MALRD1: variants seen among roughly 807,000 people sequenced by gnomAD.
MALRD1 encodes the protein MAM and LDL-receptor class A domain-containing protein 1.
Under a neutral mutation model 242.1 loss-of-function variants are expected in MALRD1, and 247 were observed. The observed-to-expected ratio is 1.02, with a 90% CI of 0.92 to 1.13. The LOEUF is 1.13. MALRD1 is among the 50% of genes most tolerant of loss of function. The pLI is 0.00. For synonymous variants in MALRD1, 995 were observed against 866.6 expected, an observed-to-expected ratio of 1.15 and a Z score of -2.60; for missense variants, 2,989 against 2,533.1, an observed-to-expected ratio of 1.18 and a Z score of -3.86.
intron 11 of MALRD1, among the ~76,000 whole-genome samples, chr10:19,148,591 A>G (rs1351297120): frequency 1.3e-5 from 2 of 151,854 alleles, no homozygotes; most frequent in African/African-American, 2.4e-5. Flanking sequence ...CTACATAACT[A>G]TGATTTGCAT....
chr10:19,129,857 C>G (rs1837398167), intron 8 of MALRD1, among the ~76,000 whole-genome samples: 1 of 149,100 alleles, frequency 6.7e-6, no homozygotes, highest in East Asian at 2.0e-4. Flanking sequence ...ATATATATCT[C>G]TACACATCCA....
At chr10:19,730,885 T>C in intron 39 of MALRD1, 104 bp downstream of exon 39, 2 of 1,066,310 alleles carry the variant, frequency 1.9e-6, no homozygotes, top group Non-Finnish European at 2.7e-6. Flanking sequence ...TGTTTCTACA[T>C]CATAACTAAA....
At chr10:19,467,150 C>G (rs984611755) in intron 29 of MALRD1, among the ~76,000 whole-genome samples, 7 of 152,026 alleles carry the variant, frequency 4.6e-5, no homozygotes. Flanking sequence ...GTCAGGAAAT[C>G]AAGACCATTG....
chr10:19,168,768 TC>T (rs1834801985), intron 13 of MALRD1, among the ~76,000 whole-genome samples: 1 of 152,076 alleles, frequency 6.6e-6, no homozygotes, highest in African/African-American at 2.4e-5. Flanking sequence ...TCTCCCTTCA[TC>T]CCCCTGCTGG....
At chr10:19,489,435 G>C (rs1439446109) in intron 29 of MALRD1, 1 of 587,202 alleles carries the variant, frequency 1.7e-6, no homozygotes, top group Non-Finnish European at 3.2e-6. Flanking sequence ...AGTGGTCCCT[G>C]TCTCCCTTCT....
chr10:19,660,239 A>G (rs1841364889), intron 36 of MALRD1, among the ~76,000 whole-genome samples: 2 of 152,166 alleles, frequency 1.3e-5, no homozygotes, highest in African/African-American at 2.4e-5. Flanking sequence ...TATGATTTGG[A>G]GAAATTTCTC....
chr10:19,430,111 C>CTTTTTTTTTT (rs1156254998), intron 28 of MALRD1, among the ~76,000 whole-genome samples: 1,061 of 83,494 alleles, frequency 0.013, 170 homozygotes, highest in African/African-American at 0.045. Flanking sequence ...CTCCATTTTC[C>CTTTTTTTTTT]TTTTTTTTTT....
chr10:19,103,422 G>A (rs1031826599), intron 4 of MALRD1, among the ~76,000 whole-genome samples: 4 of 151,758 alleles, frequency 2.6e-5, no homozygotes, highest in Non-Finnish European at 5.9e-5. Context: ...TTAGCCGGGC[G>A]CGGTGGTGGG....
chr10:19,406,266 G>A (rs1847102780), intron 28 of MALRD1, among the ~76,000 whole-genome samples: 1 of 152,162 alleles, frequency 6.6e-6, no homozygotes, highest in African/African-American at 2.4e-5. Context: ...GTAAAATTCA[G>A]AATATTTGTT....
intron 35 of MALRD1, among the ~76,000 whole-genome samples, chr10:19,613,754 A>T (rs1288520880): frequency 6.6e-6 from 1 of 151,910 alleles, no homozygotes; most frequent in Non-Finnish European, 1.5e-5. Context: ...GTGTCTCTGA[A>T]TTTTTTCTGC....
chr10:19,309,513 C>T (rs1456198241), intron 21 of MALRD1, among the ~76,000 whole-genome samples: 3 of 151,466 alleles, frequency 2.0e-5, no homozygotes, highest in Middle Eastern at 3.4e-3. Context: ...GAACAGGCAC[C>T]GTTCCAGGTG....
At chr10:19,454,866 C>A (rs1043776959) in intron 29 of MALRD1, among the ~76,000 whole-genome samples, 1 of 152,046 alleles carries the variant, frequency 6.6e-6, no homozygotes, top group Non-Finnish European at 1.5e-5. Context: ...AAACTTACAA[C>A]TCAATTTATT....
chr10:19,605,185 T>C (rs1838548717), intron 34 of MALRD1, among the ~76,000 whole-genome samples: 1 of 151,448 alleles, frequency 6.6e-6, no homozygotes, highest in Non-Finnish European at 1.5e-5. Context: ...TTACAGAATC[T>C]TGCTCCATTC....
chr10:19,125,470 G>T (rs1837254165), intron 7 of MALRD1, among the ~76,000 whole-genome samples: 1 of 144,014 alleles, frequency 6.9e-6, no homozygotes, highest in African/African-American at 2.6e-5. Flanking sequence ...TGTTGTCAAT[G>T]AGTTTCTTCC....
chr10:19,443,223 A>G (rs1834769711), intron 28 of MALRD1, among the ~76,000 whole-genome samples: 1 of 151,826 alleles, frequency 6.6e-6, no homozygotes. Flanking sequence ...CTTCTTTATT[A>G]GTCTTGCTAG....
At chr10:19,680,598 A>G (rs1174397801) in intron 36 of MALRD1, among the ~76,000 whole-genome samples, 3 of 152,098 alleles carry the variant, frequency 2.0e-5, no homozygotes, top group African/African-American at 7.2e-5. Flanking sequence ...CCATCTTGCC[A>G]TTCTGTGTCT....
chr10:19,201,869 G>A (rs1248164277), intron 14 of MALRD1, among the ~76,000 whole-genome samples: 1 of 152,024 alleles, frequency 6.6e-6, no homozygotes, highest in Admixed American at 6.6e-5. Flanking sequence ...AGGCTGGAGT[G>A]CAGTGGCAGG....
Position 19,331,308 on chromosome 10 carries a change from G to T in MALRD1, c.3688-61G>T, listed in dbSNP as rs186615383. Reference sequence around the variant, plus strand: ...ACGATTGATGTGCTTGATACTTAGTGTTTGCCCAGGTTTTGAACTTCTTGA... The same window carrying T: ...ACGATTGATGTGCTTGATACTTAGTTTTTGCCCAGGTTTTGAACTTCTTGA... On this transcript the variant is annotated intron_variant, in intron 23 of 39. Transcript: ENST00000454679. 11,526 of 1,310,644 alleles carry T rather than the reference G, an allele frequency of 8.8e-3. 66 individuals carry two copies. Among genetic ancestry groups the T allele is most frequent in the Non-Finnish European group, 0.011 (10,615 of 930,856 alleles). 81.2% of individuals were successfully genotyped at this position (1,310,644 alleles called of 1,614,324 possible).
At chr10:19,547,990 A>G (rs768472909) in intron 32 of MALRD1, among the ~76,000 whole-genome samples, 3 of 125,114 alleles carry the variant, frequency 2.4e-5, no homozygotes, top group Admixed American at 1.6e-4. Flanking sequence ...TCTTATCACT[A>G]TACTTTTTTT....
Sources: gnomAD v4.1 joint callset for allele counts (sites outside exome capture counted in the v4.1 genomes callset) on GRCh38, gnomAD v4.1.1 for gene constraint, MANE v1.5 for transcripts, NCBI Gene and HGNC (gene_info 2026-07-23, HGNC 2026-07-21) for gene names.